TACC2: variants seen among roughly 807,000 people sequenced by gnomAD.
TACC2 encodes the protein transforming acidic coiled-coil-containing protein 2.
In TACC2, 137 loss-of-function variants were observed where a neutral mutation model predicts 227.3. That is an observed-to-expected ratio of 0.60 (90% CI 0.52 to 0.69). The LOEUF (loss-of-function observed/expected upper bound fraction) is 0.69, where lower values mean the gene tolerates loss of function less well. Ranked by LOEUF, TACC2 falls within the 30% of genes least tolerant of loss-of-function variation. The pLI is 0.00. For missense variants in TACC2, 3,470 were observed against 3,694.4 expected (o/e 0.94, Z 1.57); for synonymous variants, 1,523 against 1,487.5 (o/e 1.02, Z -0.55).
intron 5 of TACC2, among the ~76,000 whole-genome samples, chr10:122,099,086 G>A (rs981182060): frequency 5.3e-5 from 8 of 152,146 alleles, no homozygotes; most frequent in African/African-American, 1.2e-4. Context: ...GGGACAAACC[G>A]CCTCGACAAT....
At chr10:122,148,541 G>A (rs1286143251) in intron 7 of TACC2, among the ~76,000 whole-genome samples, 2 of 152,256 alleles carry the variant, frequency 1.3e-5, no homozygotes, top group Non-Finnish European at 2.9e-5. Flanking sequence ...TGCAGTGCCC[G>A]CCATATCTGT....
chr10:122,087,148 G>C lies in TACC2; in HGVS notation c.4648G>C (p.Glu1550Gln), dbSNP rs745709267. 1 of 1,611,268 alleles carries C rather than the reference G, an allele frequency of 6.2e-7. No individual in the cohort carries two copies. Among genetic ancestry groups the C allele is most frequent in the Admixed American group, 1.7e-5 (1 of 59,782 alleles). ...GGAAGGCCAGGCTTACTCACAGCTG[G>C]AGAGGAGCAGGCAGGAATTAGCTTC... ...GLEGQAYSQLERSRQELASGL... is the reference protein window; with the variant it reads ...GLEGQAYSQLQRSRQELASGL... The change falls in exon 4 of 23, where the codon GAG (glutamate) becomes CAG (glutamine). Residue 1550 changes from glutamate (E) to glutamine (Q), a missense_variant. Glu to Gln is a conservative substitution (Grantham distance 29). This residue lies in a region of TACC2 where 1,924 missense variants were observed against 1,978.3 expected (regional missense o/e 0.97). Transcript: ENST00000369005.
At chr10:122,240,844 T>G (rs78418323) in intron 18 of TACC2, among the ~76,000 whole-genome samples, 4 of 152,168 alleles carry the variant, frequency 2.6e-5, no homozygotes, top group South Asian at 2.1e-4. Flanking sequence ...GTCCTTCCAT[T>G]TGGGGACAGC....
intron 7 of TACC2, among the ~76,000 whole-genome samples, chr10:122,153,623 C>T (rs1406943042): frequency 2.6e-5 from 4 of 152,238 alleles, no homozygotes; most frequent in African/African-American, 9.6e-5. Context: ...AAAACAGCCA[C>T]AGCAGCAGCC....
At chr10:122,176,097 CTCTCTCTCTCTCTCTCTCTCTATATATA>C (rs1465645950) in intron 7 of TACC2, among the ~76,000 whole-genome samples, 2,483 of 87,262 alleles carry the variant, frequency 0.028, 24 homozygotes, top group Non-Finnish European at 0.037. Context: ...CTCTCTCTCT[CTCTCTCTCTCTCTCTCTCTCTATATATA>C]TATATATATA....
At chr10:122,203,451 G>C (rs1367591006) in intron 8 of TACC2, among the ~76,000 whole-genome samples, 1 of 150,298 alleles carries the variant, frequency 6.7e-6, no homozygotes, top group Non-Finnish European at 1.5e-5. Flanking sequence ...CGAGGTGGCT[G>C]CCGGGTGGAG....
rs774125717 is a variant in TACC2, at chr10:122,083,227, G to A, written c.727G>A (p.Val243Met). The A allele has an allele frequency of 3.7e-6, 6 of 1,613,400 alleles. No individual in the cohort carries two copies. The African/African-American group carries it at 5.3e-5, about 14-fold the overall frequency. Residue 243 changes from valine to methionine, a missense_variant, in exon 4 of 23, where the codon GTG becomes ATG. Val to Met is a conservative substitution (Grantham distance 21). Around this residue, in one of 10 missense-constraint regions of TACC2, gnomAD observed 405 missense variants for 389.6 expected, o/e 1.04. Transcript: ENST00000369005. ...TCCCCCTGCAGAGTCCAGGCAGGGG[G>A]TGGCTTCTGTGCAAGTGACCCCTGA... ...GFPPAESRQGVASVQVTPEAP... is the reference protein window; with the variant it reads ...GFPPAESRQGMASVQVTPEAP...
At chr10:122,061,357 T>G (rs1048544360) in intron 3 of TACC2, among the ~76,000 whole-genome samples, 4 of 150,736 alleles carry the variant, frequency 2.7e-5, no homozygotes, top group African/African-American at 7.3e-5. Context: ...CTTGAGTGAC[T>G]GGGCAGGTGG....
intron 3 of TACC2, among the ~76,000 whole-genome samples, chr10:122,069,344 C>G (rs1416740254): frequency 1.3e-5 from 2 of 152,060 alleles, no homozygotes; most frequent in African/African-American, 2.4e-5. Context: ...CAGATTCACA[C>G]CATTCTCCTG....
chr10:122,155,833 ATTTTTTTT>A (rs66559186), intron 7 of TACC2, among the ~76,000 whole-genome samples: 2 of 118,304 alleles, frequency 1.7e-5, no homozygotes, highest in Admixed American at 9.8e-5. Context: ...TAGTGGGAAA[ATTTTTTTT>A]TTTTTTTTTT....
chr10:122,233,633 T>C (rs1023327577), intron 16 of TACC2, among the ~76,000 whole-genome samples: 1 of 152,052 alleles, frequency 6.6e-6, no homozygotes, highest in Non-Finnish European at 1.5e-5. Context: ...CCCCCACCCA[T>C]ACACACACAT....
intron 7 of TACC2, among the ~76,000 whole-genome samples, chr10:122,155,710 A>G (rs925249978): frequency 7.2e-5 from 11 of 152,176 alleles, no homozygotes; most frequent in Admixed American, 7.2e-4. Flanking sequence ...GATCTTAAAC[A>G]CAGTTTATAA....
intron 22 of TACC2, among the ~76,000 whole-genome samples, chr10:122,253,598 C>T (rs973160210): frequency 3.9e-5 from 6 of 152,270 alleles, no homozygotes; most frequent in Middle Eastern, 3.4e-3. Flanking sequence ...AAAAAGCCAC[C>T]GAGGGGTTTA....
intron 2 of TACC2, among the ~76,000 whole-genome samples, chr10:122,030,077 C>T (rs1565112265): frequency 6.6e-6 from 1 of 151,994 alleles, no homozygotes; most frequent in Non-Finnish European, 1.5e-5. Context: ...CAGAACAGTC[C>T]CCCACAATAA....
chr10:122,036,256 A>C (rs1960308861), intron 2 of TACC2, among the ~76,000 whole-genome samples: 1 of 149,484 alleles, frequency 6.7e-6, no homozygotes, highest in South Asian at 2.1e-4. Context: ...GCAGTGGCGC[A>C]ATCTCGGCTC....
In TACC2 at chr10:122,195,123, C is replaced by G. The variant is rs58106543; in HGVS notation, c.5918C>G (p.Pro1973Arg). 8.7e-6 allele frequency: 14 copies of G among 1,613,424 alleles called. No individual in the cohort carries two copies. The highest frequency in any genetic ancestry group is 1.7e-5 in the Admixed American group (1 of 59,932). Residue 1973 changes from proline (P) to arginine (R), a missense_variant, in exon 8 of 23, where the codon CCC becomes CGC. Coordinates refer to ENST00000369005, the MANE Select transcript of TACC2 (RefSeq NM_206862.4). ...KAPPAPPPPP[P>R]EVIPEPEVST... ...CCGCCAGCTCCACCCCCACCACCCC[C>G]CGAAGTCATCCCAGAACCCGAGGTC...
At chr10:122,213,276 T>A in intron 9 of TACC2, 1 of 1,534,250 alleles carries the variant, frequency 6.5e-7, no homozygotes, top group Non-Finnish European at 9.0e-7. Context: ...ACCAGTTGTC[T>A]GCAGATTTAT....
chr10:122,062,819 C>G lies in TACC2; in HGVS notation c.146+12269C>G, dbSNP rs151019783. Among the ~76,000 whole-genome samples the G allele has an allele frequency of 4.0e-3, 616 of 152,294 alleles. 2 individuals are homozygous for G. In the South Asian group the frequency reaches 0.044, roughly 11 times the overall value. ...AAGGCCAGGATGTTTCTTACTCCTC[C>G]GTTTCACTGTCATTTGTGGAATCGG... On this transcript the variant is annotated intron_variant, in intron 3 of 22. Transcript: ENST00000369005.
intron 7 of TACC2, among the ~76,000 whole-genome samples, chr10:122,178,036 A>C (rs1461853066): frequency 6.6e-6 from 1 of 152,168 alleles, no homozygotes; most frequent in Non-Finnish European, 1.5e-5. Context: ...CTACAACAAA[A>C]TCCCATAAAT....
Sources: allele counts gnomAD v4.1 joint callset (sites outside exome capture counted in the v4.1 genomes callset), GRCh38; gene constraint gnomAD v4.1.1; regional missense constraint gnomAD v4.1.1; transcripts MANE v1.5; gene names NCBI Gene and HGNC (gene_info 2026-07-23, HGNC 2026-07-21).